RNF121: variants seen among roughly 807,000 people sequenced by gnomAD.
RNF121 encodes the protein ring finger protein 121.
RNF121 carries 21 observed loss-of-function variants against 46.5 expected under a neutral mutation model. The ratio of observed to expected loss-of-function variants is 0.45; its 90% CI spans 0.32 to 0.65. The LOEUF is 0.65. Ranked by LOEUF, RNF121 falls within the 30% of genes least tolerant of loss-of-function variation. RNF121 has a pLI of 0.04. For missense variants in RNF121, 346 were observed against 416.0 expected (o/e 0.83, Z 1.46); for synonymous variants, 139 against 144.7 (o/e 0.96, Z 0.28).
Position 71,945,468 on chromosome 11 carries a change from A to G in RNF121, c.64-11759A>G, listed in dbSNP as rs1953692692. On this transcript the variant is annotated intron_variant, in intron 1 of 8. Coordinates refer to ENST00000361756, the MANE Select transcript of RNF121 (RefSeq NM_018320.5). ...TTGTTCAAGAGAGAATTAAGAGAGA[A>G]TTACTCAGTGTCTGAGTATTTCCCA... 2.6e-5 allele frequency among the ~76,000 whole-genome samples: 4 copies of G among 152,348 alleles called. No individual in the cohort carries two copies. In the South Asian group the frequency reaches 8.3e-4, roughly 32 times the overall value.
chr11:71,956,312 G>C (rs1953990577), intron 1 of RNF121, among the ~76,000 whole-genome samples: 1 of 152,172 alleles, frequency 6.6e-6, no homozygotes, highest in Non-Finnish European at 1.5e-5. Flanking sequence ...TATGTACTGA[G>C]ACTTGGGTAT....
chr11:71,957,336 A>G, intron 2 of RNF121, 72 bp downstream of exon 2: 1 of 1,023,872 alleles, frequency 9.8e-7, no homozygotes, highest in Non-Finnish European at 1.6e-6. Context: ...TGATATGTCT[A>G]CCCATTTTGC....
intron 1 of RNF121, among the ~76,000 whole-genome samples, chr11:71,932,440 T>C (rs1953297566): frequency 6.6e-6 from 1 of 152,262 alleles, no homozygotes; most frequent in Admixed American, 6.5e-5. Flanking sequence ...ACTGAGCACC[T>C]GGGTTCCATT....
At chr11:71,969,455 G>A (rs1285651707) in intron 3 of RNF121, among the ~76,000 whole-genome samples, 1 of 152,154 alleles carries the variant, frequency 6.6e-6, no homozygotes, top group Non-Finnish European at 1.5e-5. Flanking sequence ...ACTTTTTATA[G>A]AAAGGTAAAA....
chr11:71,931,861 T>C (rs1000083082), intron 1 of RNF121, among the ~76,000 whole-genome samples: 6 of 152,244 alleles, frequency 3.9e-5, no homozygotes, highest in Non-Finnish European at 8.8e-5. Context: ...CTTTCTGTTT[T>C]ATTGATAGAC....
chr11:71,953,813 G>C (rs1010013594), intron 1 of RNF121, among the ~76,000 whole-genome samples: 4 of 152,210 alleles, frequency 2.6e-5, no homozygotes, highest in Non-Finnish European at 4.4e-5. Context: ...TGATATTTTG[G>C]GGGGACAGGA....
intron 4 of RNF121, among the ~76,000 whole-genome samples, chr11:71,985,157 G>A (rs1160945518): frequency 6.6e-6 from 1 of 151,990 alleles, no homozygotes; most frequent in East Asian, 1.9e-4. Flanking sequence ...GAACTCCTGA[G>A]CTCAAAGAAT....
At chr11:71,995,330 G>A (rs1410317760) in intron 7 of RNF121, 120 bp from the exon 8 acceptor site, 4 of 760,004 alleles carry the variant, frequency 5.3e-6, no homozygotes, top group South Asian at 3.2e-5. Context: ...CAGACACAGG[G>A]ACTTGCCCAA....
intron 8 of RNF121, 95 bp from the exon 9 acceptor site, chr11:71,996,100 T>A: frequency 6.8e-7 from 1 of 1,461,790 alleles, no homozygotes; most frequent in East Asian, 2.3e-5. Flanking sequence ...GTGGAGCAGC[T>A]GGAAAGTGGG....
intron 1 of RNF121, among the ~76,000 whole-genome samples, chr11:71,943,871 G>A (rs957306411): frequency 6.6e-6 from 1 of 152,222 alleles, no homozygotes; most frequent in East Asian, 1.9e-4. Flanking sequence ...TCAGGGAACT[G>A]TATGCAGTTT....
intron 1 of RNF121, among the ~76,000 whole-genome samples, chr11:71,935,846 C>CTTTTTTTTT (rs994241423): frequency 7.0e-5 from 8 of 114,718 alleles, no homozygotes; most frequent in African/African-American, 1.3e-4. Flanking sequence ...TATTCTTTTT[C>CTTTTTTTTT]TTTTTTTTTT....
At chr11:71,955,039 T>A (rs1042817726) in intron 1 of RNF121, among the ~76,000 whole-genome samples, 3 of 152,198 alleles carry the variant, frequency 2.0e-5, no homozygotes, top group African/African-American at 7.2e-5. Context: ...AGGGAACTAA[T>A]ATGTTCATGG....
chr11:71,978,202 A>T, intron 3 of RNF121: 1 of 452,144 alleles, frequency 2.2e-6, no homozygotes, highest in Non-Finnish European at 4.4e-6. Flanking sequence ...TGCCCGGCCT[A>T]CAGTAGAAAT....
chr11:71,951,148 TGGGA>T (rs1953867456), intron 1 of RNF121, among the ~76,000 whole-genome samples: 1 of 149,246 alleles, frequency 6.7e-6, no homozygotes, highest in Non-Finnish European at 1.5e-5. Flanking sequence ...CGCTTGAACC[TGGGA>T]GGCAGAGGTT....
At chr11:71,959,003 C>T (rs1027083555) in intron 2 of RNF121, among the ~76,000 whole-genome samples, 2 of 152,254 alleles carry the variant, frequency 1.3e-5, no homozygotes, top group Middle Eastern at 6.8e-3. Context: ...TGTGCTCTAC[C>T]CTCTTAGCCT....
At chr11:71,995,965 C>T (rs372440308) in intron 8 of RNF121, among the ~76,000 whole-genome samples, 3 of 152,176 alleles carry the variant, frequency 2.0e-5, no homozygotes, top group Non-Finnish European at 4.4e-5. Flanking sequence ...TCTCTGCATT[C>T]AGCTCTTTAC....
intron 1 of RNF121, among the ~76,000 whole-genome samples, chr11:71,937,271 AC>A (rs1318067179): frequency 1.3e-5 from 2 of 152,332 alleles, no homozygotes; most frequent in Admixed American, 1.3e-4. Context: ...CTAATCTTGC[AC>A]AGTGGCTAGC....
At chr11:71,934,564 T>C (rs1007094748) in intron 1 of RNF121, among the ~76,000 whole-genome samples, 5 of 152,250 alleles carry the variant, frequency 3.3e-5, no homozygotes, top group African/African-American at 1.2e-4. Context: ...ATTTAGTAAA[T>C]GTTCCTTGTT....
chr11:71,990,766 G>C, intron 6 of RNF121, 49 bp downstream of exon 6: 1 of 1,604,088 alleles, frequency 6.2e-7, no homozygotes, highest in Non-Finnish European at 8.5e-7. Flanking sequence ...CCTCCAAATT[G>C]CTCAAGTTGA....
Sources: gnomAD v4.1 joint callset for allele counts (sites outside exome capture counted in the v4.1 genomes callset) on GRCh38, gnomAD v4.1.1 for gene constraint, MANE v1.5 for transcripts, NCBI Gene and HGNC (gene_info 2026-07-23, HGNC 2026-07-21) for gene names.